Variants in JPH4 observed in about 807,000 individuals in gnomAD.
JPH4 encodes the protein junctophilin-4.
In JPH4, 18 loss-of-function variants were observed where a neutral mutation model predicts 57.6. The ratio of observed to expected loss-of-function variants is 0.31; its 90% confidence interval spans 0.22 to 0.46. The LOEUF (loss-of-function observed/expected upper bound fraction) is 0.46, where lower values mean the gene tolerates loss of function less well. Ranked by LOEUF, JPH4 falls within the 20% of genes least tolerant of loss-of-function variation. JPH4 has a pLI of 1.00. For missense variants in JPH4, 727 were observed against 911.1 expected (o/e 0.80, Z 2.60); for synonymous variants, 425 against 406.6 (o/e 1.05, Z -0.54).
rs909370183 is a variant in JPH4 at position 23,578,042 on chromosome 14, G to A, written c.-172+138C>T. 3.5e-5 allele frequency: 5 copies of A among 141,838 alleles called. No homozygotes were observed. In the East Asian group the frequency reaches 1.2e-3, roughly 33 times the overall value. 8.8% of individuals were successfully genotyped at this position (141,838 alleles called of 1,614,324 possible). ...GGGTAGAATATGTAGCGGGGAGATC[G>A]GACCAAGGTAGGCAGACGGTTTTTC... On this transcript the variant is annotated intron_variant, in intron 1 of 5. Coordinates refer to ENST00000356300, the MANE Select transcript of JPH4 (RefSeq NM_001146028.2).
Position 23,568,199 on chromosome 14 carries a change from C to T in JPH4, c.*1435G>A. On this transcript the variant is annotated 3_prime_UTR_variant, in exon 6 of 6. Transcript: ENST00000356300. ...GTTGAGAGGGGAGGAAGGAGGGAGG[C>T]AAGCCAAGGAATAAACAAGAGTTTG... The T allele has an allele frequency of 2.0e-6, 2 of 985,744 alleles. No individual in the cohort carries two copies. The highest frequency in any genetic ancestry group is 1.2e-6 in the Non-Finnish European group (1 of 829,938). 61.1% of individuals were successfully genotyped at this position (985,744 alleles called of 1,614,324 possible). A position where few individuals can be genotyped will look rare whatever the true frequency, so the allele number is the denominator to read the frequency against.
rs1889246013 is a variant in JPH4, at chr14:23,575,345, C to G, written c.1151+340G>C. On this transcript the variant is annotated intron_variant, in intron 3 of 5. Coordinates refer to ENST00000356300, the MANE Select transcript of JPH4 (RefSeq NM_001146028.2). This position sits in a 1 kb window ranked among gnomAD's most constrained non-coding sequence, Gnocchi z 6.9. Reference sequence around the variant, plus strand: ...AAGACTAGGGACATGTTTTGAGTTCCAAGAGATTTCTGGGCCTGCACAAAA... The same window carrying G: ...AAGACTAGGGACATGTTTTGAGTTCGAAGAGATTTCTGGGCCTGCACAAAA... 1 of 394,388 alleles carries G rather than the reference C, an allele frequency of 2.5e-6. No homozygotes were observed. Among genetic ancestry groups the G allele is most frequent in the East Asian group, 4.5e-5 (1 of 22,212 alleles). 24.4% of individuals were successfully genotyped at this position (394,388 alleles called of 1,614,324 possible). A position where few individuals can be genotyped will look rare whatever the true frequency, so the allele number is the denominator to read the frequency against.
chr14:23,577,071 G>A lies in JPH4; in HGVS notation c.379+4C>T. 1.3e-6 allele frequency: 2 copies of A among 1,520,650 alleles called. No individual in the cohort carries two copies. Among genetic ancestry groups the A allele is most frequent in the East Asian group, 2.4e-5 (1 of 40,882 alleles). The allele number at this position is 1,520,650 out of a possible 1,614,324, so 94.2% of individuals were successfully genotyped here. The stretch of plus-strand genomic sequence containing the variant: ...GACAGACACTGGTGGGCCGGGCCCC[G>A]CACCTCCGTCGGAGTAGGTCTCAGT... On this transcript the variant is annotated splice_donor_region_variant and intron_variant, in intron 2 of 5. Coordinates refer to ENST00000356300, the MANE Select transcript of JPH4 (RefSeq NM_001146028.2). The surrounding 1 kb of genome is among the most constrained non-coding windows in gnomAD (Gnocchi z 8.4).
At position 23,569,539 on chromosome 14, in the gene JPH4, A is replaced by G; in HGVS notation, c.*95T>C. ...AAGGAAGAAGAGAAAGAAAGATAGG[A>G]GAAAACACAGCCAGGAAGAGGAGAA... On this transcript the variant is annotated 3_prime_UTR_variant, in exon 6 of 6. Coordinates refer to ENST00000356300, the MANE Select transcript of JPH4 (RefSeq NM_001146028.2). This position sits in a 1 kb window ranked among gnomAD's most constrained non-coding sequence, Gnocchi z 4.8. The G allele has an allele frequency of 2.5e-6, 2 of 802,902 alleles. No individual in the cohort carries two copies. The highest frequency in any genetic ancestry group is 4.3e-6 in the Non-Finnish European group (2 of 466,174). The allele number at this position is 802,902 out of a possible 1,614,324, so 49.7% of individuals were successfully genotyped here.
Position 23,571,965 on chromosome 14 carries a change from C to A in JPH4, c.1152-45G>T, listed in dbSNP as rs1317711415. The A allele has an allele frequency of 1.3e-6, 2 of 1,557,530 alleles. No homozygotes were observed. The highest frequency in any genetic ancestry group is 2.2e-5 in the South Asian group (2 of 90,132). On this transcript the variant is annotated intron_variant, in intron 3 of 5. Coordinates refer to ENST00000356300, the MANE Select transcript of JPH4 (RefSeq NM_001146028.2). The surrounding 1 kb of genome is among the most constrained non-coding windows in gnomAD (Gnocchi z 4.6). ...GGATTTAGCAGAACTTCCCCCACTT[C>A]AAGTTAGTCCCTGCTCAGATGCTCC...
chr14:23,574,724 A>G (rs1342463820), intron 3 of JPH4, among the ~76,000 whole-genome samples: 3 of 152,248 alleles, frequency 2.0e-5, no homozygotes, highest in Non-Finnish European at 2.9e-5. Context: ...ACTGGTTACC[A>G]GTTGAAATGA....
At position 23,571,771 on chromosome 14, in the gene JPH4, A is replaced by T; in HGVS notation, c.1270+31T>A. On this transcript the variant is annotated intron_variant, in intron 4 of 5. Transcript: ENST00000356300. This position sits in a 1 kb window ranked among gnomAD's most constrained non-coding sequence, Gnocchi z 4.6. ...GCCTCTCTAGCTCCCTAGGGGCCTC[A>T]CTGCCCTCCCCCCAGCTGTCCATGC... 2 of 1,587,106 alleles carry T rather than the reference A, an allele frequency of 1.3e-6. No homozygotes were observed. Among genetic ancestry groups the T allele is most frequent in the Non-Finnish European group, 1.7e-6 (2 of 1,159,328 alleles).
chr14:23,574,340 A>G (rs1411439245), intron 3 of JPH4, among the ~76,000 whole-genome samples: 2 of 151,854 alleles, frequency 1.3e-5, no homozygotes, highest in East Asian at 3.9e-4. Context: ...ACACCGAGCT[A>G]ATTTTTGTAT....
At position 23,577,808 on chromosome 14, in the gene JPH4, G is replaced by A. The variant is rs1408942116; in HGVS notation, c.-171-184C>T. ...GGGCTTCCCCCATTTCTGTCTTTGT[G>A]GAGCGGGCCCCTCCCAGGACTTGGG... On this transcript the variant is annotated intron_variant, in intron 1 of 5. Coordinates refer to ENST00000356300, the MANE Select transcript of JPH4 (RefSeq NM_001146028.2). This position sits in a 1 kb window ranked among gnomAD's most constrained non-coding sequence, Gnocchi z 8.4. 1 of 183,720 alleles carries A rather than the reference G, an allele frequency of 5.4e-6. No individual in the cohort carries two copies. The highest frequency in any genetic ancestry group is 1.1e-5 in the Non-Finnish European group (1 of 89,212). The allele number at this position is 183,720 out of a possible 1,614,324, so 11.4% of individuals were successfully genotyped here.
rs1257501972 is a variant in JPH4 at position 23,571,200 on chromosome 14, C to G, written c.1531G>C (p.Gly511Arg). 1 of 1,613,902 alleles carries G rather than the reference C, an allele frequency of 6.2e-7. No individual in the cohort carries two copies. Among genetic ancestry groups the G allele is most frequent in the African/African-American group, 1.3e-5 (1 of 74,924 alleles). ...CCAGCCTCATCCTCAGCCTCATAGC[C>G]AGCTAGTTCCTCTGCCTGTGCGCCT... ...GAGAQAEELA[G>R]YEAEDEAGMQ... The change falls in exon 5 of 6, where the codon GGC becomes CGC. Residue 511 changes from glycine (G) to arginine (R), a missense_variant. Physicochemically the swap from Gly to Arg is moderately radical, Grantham distance 125 (BLOSUM62 -2). This residue lies in a region of JPH4 where 293 missense variants were observed against 279.8 expected (regional missense o/e 1.05). Coordinates refer to ENST00000356300, the MANE Select transcript of JPH4 (RefSeq NM_001146028.2). The surrounding 1 kb of genome is among the most constrained non-coding windows in gnomAD (Gnocchi z 4.6).
Position 23,575,648 on chromosome 14 carries a change from T to C in JPH4, c.1151+37A>G. On this transcript the variant is annotated intron_variant, in intron 3 of 5. Coordinates refer to ENST00000356300, the MANE Select transcript of JPH4 (RefSeq NM_001146028.2). The surrounding 1 kb of genome is among the most constrained non-coding windows in gnomAD (Gnocchi z 6.9). ...TCCTGGTCCCCAGCGCACCCCCTCC[T>C]CTTAGCCCAGCTTTGGCCTCTGAAC... is the stretch of plus-strand genomic sequence containing the variant. 1 of 1,568,766 alleles carries C rather than the reference T, an allele frequency of 6.4e-7. No individual in the cohort carries two copies.
chr14:23,575,587 C>A lies in JPH4; in HGVS notation c.1151+98G>T. 1 of 1,478,660 alleles carries A rather than the reference C, an allele frequency of 6.8e-7. No individual in the cohort carries two copies. The allele number at this position is 1,478,660 out of a possible 1,614,324, so 91.6% of individuals were successfully genotyped here. ...TAGGCTTGCAATAGCAGGCCCTAGG[C>A]CTTGGGCCTTGGGCCTCCCTTAGGC... On this transcript the variant is annotated intron_variant, in intron 3 of 5. Transcript: ENST00000356300. The surrounding 1 kb of genome is among the most constrained non-coding windows in gnomAD (Gnocchi z 6.9).
In JPH4 at chr14:23,569,540, G is replaced by T. The variant is rs772863535; in HGVS notation, c.*94C>A. The T allele has an allele frequency of 2.4e-6, 2 of 822,578 alleles. No individual in the cohort carries two copies. The highest frequency in any genetic ancestry group is 4.1e-6 in the Non-Finnish European group (2 of 484,276). 51.0% of individuals were successfully genotyped at this position (822,578 alleles called of 1,614,324 possible). A position where few individuals can be genotyped will look rare whatever the true frequency, so the allele number is the denominator to read the frequency against. ...AGGAAGAAGAGAAAGAAAGATAGGAGAAAACACAGCCAGGAAGAGGAGAAG... is the reference window on the plus strand; with the variant it reads ...AGGAAGAAGAGAAAGAAAGATAGGATAAAACACAGCCAGGAAGAGGAGAAG... On this transcript the variant is annotated 3_prime_UTR_variant, in exon 6 of 6. Coordinates refer to ENST00000356300, the MANE Select transcript of JPH4 (RefSeq NM_001146028.2). This position sits in a 1 kb window ranked among gnomAD's most constrained non-coding sequence, Gnocchi z 4.8.
Position 23,571,778 on chromosome 14 carries a change from TC to T in JPH4, c.1270+23del, listed in dbSNP as rs1313931760. On this transcript the variant is annotated intron_variant, in intron 4 of 5. Transcript: ENST00000356300. The surrounding 1 kb of genome is among the most constrained non-coding windows in gnomAD (Gnocchi z 4.6). ...TAGCTCCCTAGGGGCCTCACTGCCC[TC>T]CCCCCAGCTGTCCATGCCTCACCTG... 8 of 1,594,326 alleles carry T rather than the reference TC, an allele frequency of 5.0e-6. No individual in the cohort carries two copies. Among genetic ancestry groups the T allele is most frequent in the Middle Eastern group, 1.7e-4 (1 of 6,014 alleles).
chr14:23,572,027 C>T, intron 3 of JPH4, 107 bp from the exon 4 acceptor site: 2 of 957,524 alleles, frequency 2.1e-6, no homozygotes, highest in Non-Finnish European at 3.2e-6. Context: ...ATCACATCCT[C>T]CTCTCCTCTG....
Position 23,569,889 on chromosome 14 carries a change from G to T in JPH4, c.1804-172C>A, listed in dbSNP as rs1889056307. Among the ~76,000 whole-genome samples, 1 of 152,136 alleles carries T rather than the reference G, an allele frequency of 6.6e-6. No individual in the cohort carries two copies. Among genetic ancestry groups the T allele is most frequent in the African/African-American group, 2.4e-5 (1 of 41,414 alleles). On this transcript the variant is annotated intron_variant, in intron 5 of 5. Coordinates refer to ENST00000356300, the MANE Select transcript of JPH4 (RefSeq NM_001146028.2). The surrounding 1 kb of genome is among the most constrained non-coding windows in gnomAD (Gnocchi z 4.8). ...AAAACCCCCTCTTCTCCCAGGCAGG[G>T]CCCCACCTTTCCTCTGACACCTTCA...
At position 23,574,218 on chromosome 14, in the gene JPH4, A is replaced by G. The variant is rs1005999708; in HGVS notation, c.1151+1467T>C. ...AGACTGGCGTTCACTTTTCTCGCCC[A>G]GGCTAGAGTGCAGTGGCGTGGTCTC... On this transcript the variant is annotated intron_variant, in intron 3 of 5. Coordinates refer to ENST00000356300, the MANE Select transcript of JPH4 (RefSeq NM_001146028.2). Among the ~76,000 whole-genome samples, 4 of 149,382 alleles carry G rather than the reference A, an allele frequency of 2.7e-5. No individual in the cohort carries two copies. In the Admixed American group the frequency reaches 2.7e-4, roughly 10 times the overall value.
Position 23,571,850 on chromosome 14 carries a change from T to C in JPH4, c.1222A>G (p.Met408Val), listed in dbSNP as rs1490891364. 5.6e-6 allele frequency: 9 copies of C among 1,613,026 alleles called. No homozygotes were observed. In the African/African-American group the frequency reaches 1.1e-4, roughly 19 times the overall value. ...VAEKAVEAAR[M>V]AKLIAQDLQP... ...AGGTCCTGGGCTATCAGTTTGGCCA[T>C]TCGAGCTGCCTCCACGGCCTTCTCA... The change falls in exon 4 of 6, where the codon ATG becomes GTG. Residue 408 changes from methionine (M) to valine (V), a missense_variant. Met to Val is a conservative substitution (Grantham distance 21). Around this residue, in one of 7 missense-constraint regions of JPH4, gnomAD observed 293 missense variants for 279.8 expected, o/e 1.05. Coordinates refer to ENST00000356300, the MANE Select transcript of JPH4 (RefSeq NM_001146028.2). This position sits in a 1 kb window ranked among gnomAD's most constrained non-coding sequence, Gnocchi z 4.6.
Position 23,571,661 on chromosome 14 carries a change from C to T in JPH4, c.1270+141G>A. On this transcript the variant is annotated intron_variant, in intron 4 of 5. Transcript: ENST00000356300. This position sits in a 1 kb window ranked among gnomAD's most constrained non-coding sequence, Gnocchi z 4.6. ...CCCAGACTACCAGGTCTGGCCCCCA[C>T]CCTGTGTTCCTTGCACCCTCATTCC... 1 of 1,015,024 alleles carries T rather than the reference C, an allele frequency of 9.9e-7. No individual in the cohort carries two copies. Among genetic ancestry groups the T allele is most frequent in the Non-Finnish European group, 1.5e-6 (1 of 676,658 alleles). The allele number at this position is 1,015,024 out of a possible 1,614,324, so 62.9% of individuals were successfully genotyped here.
Sources: allele counts gnomAD v4.1 joint callset (sites outside exome capture counted in the v4.1 genomes callset), GRCh38; gene constraint gnomAD v4.1.1; regional missense constraint gnomAD v4.1.1; non-coding constraint Gnocchi (gnomAD v3.1); transcripts MANE v1.5; gene names NCBI Gene and HGNC (gene_info 2026-07-23, HGNC 2026-07-21).